Variants in CORO2A observed in about 807,000 individuals in gnomAD.
CORO2A encodes coronin 2A.
In CORO2A, 47 loss-of-function variants were observed where a neutral mutation model predicts 62.4. The ratio of observed to expected loss-of-function variants is 0.75; its 90% confidence interval spans 0.60 to 0.96. The LOEUF is 0.96. Among genes scored for constraint, CORO2A ranks in the 40% least tolerant of loss-of-function variants. The probability of loss-of-function intolerance (pLI) is 0.00; values close to 1 mark genes in which losing one functional copy is unlikely to be tolerated. For synonymous variants in CORO2A, 273 were observed against 268.9 expected (o/e 1.02, Z -0.15); for missense variants, 610 against 684.1 (o/e 0.89, Z 1.21).
intron 3 of CORO2A, among the ~76,000 whole-genome samples, chr9:98,136,811 C>A (rs1827491407): frequency 6.6e-6 from 1 of 152,184 alleles, no homozygotes; most frequent in African/African-American, 2.4e-5. Flanking sequence ...TAAATGGTGA[C>A]AATGACTTTT....
chr9:98,131,278 A>C (rs1587991969), intron 6 of CORO2A, among the ~76,000 whole-genome samples: 1 of 151,640 alleles, frequency 6.6e-6, no homozygotes, highest in East Asian at 1.9e-4. Context: ...TCTTAAAGGC[A>C]CTAAAATGCT....
At chr9:98,182,952 A>T (rs968218998) in intron 1 of CORO2A, among the ~76,000 whole-genome samples, 1 of 152,260 alleles carries the variant, frequency 6.6e-6, no homozygotes, top group African/African-American at 2.4e-5. Context: ...GAAATACCGC[A>T]GTAGCTTAGA....
At chr9:98,142,026 C>T (rs146301505) in intron 2 of CORO2A, among the ~76,000 whole-genome samples, 44 of 152,206 alleles carry the variant, frequency 2.9e-4, no homozygotes, top group African/African-American at 9.4e-4. Context: ...ATATCTTTGT[C>T]TTATTTTTAG....
intron 1 of CORO2A, among the ~76,000 whole-genome samples, chr9:98,177,491 C>T (rs1181249448): frequency 2.6e-5 from 3 of 116,916 alleles, no homozygotes; most frequent in Non-Finnish European, 4.8e-5. Flanking sequence ...GAGACAGAGT[C>T]TGGCTCTGCT....
At chr9:98,166,183 A>C (rs1827958798) in intron 1 of CORO2A, among the ~76,000 whole-genome samples, 2 of 152,242 alleles carry the variant, frequency 1.3e-5, no homozygotes, top group Admixed American at 6.5e-5. Context: ...GACATCCTAC[A>C]TGCTAAGTTT....
chr9:98,165,050 C>A (rs1827940662), intron 1 of CORO2A, among the ~76,000 whole-genome samples: 1 of 152,080 alleles, frequency 6.6e-6, no homozygotes, highest in Admixed American at 6.5e-5. Context: ...CTCTCTGCAG[C>A]CTCAACCTCC....
chr9:98,153,688 A>T lies in CORO2A; in HGVS notation c.201+3772T>A, dbSNP rs1419775292. ...CACACACACACACACACACACACAC[A>T]CACACTCACACACACACCCCGAGAG... On this transcript the variant is annotated intron_variant, in intron 2 of 11. Transcript: ENST00000375077. Among the ~76,000 whole-genome samples, 17 of 149,388 alleles carry T rather than the reference A, an allele frequency of 1.1e-4. 1 individual carries two copies. Among genetic ancestry groups the T allele is most frequent in the Admixed American group, 8.7e-4 (13 of 14,906 alleles).
At chr9:98,160,715 C>G (rs769579567) in intron 1 of CORO2A, among the ~76,000 whole-genome samples, 3 of 152,160 alleles carry the variant, frequency 2.0e-5, no homozygotes, top group African/African-American at 4.8e-5. Context: ...TGAGCAACTG[C>G]TGGGGGTGGC....
At chr9:98,126,458 T>C in intron 11 of CORO2A, 91 bp downstream of exon 11, 3 of 1,496,502 alleles carry the variant, frequency 2.0e-6, no homozygotes, top group Non-Finnish European at 2.7e-6. Flanking sequence ...ATTCTTCTCA[T>C]GCCTCATTTT....
intron 2 of CORO2A, among the ~76,000 whole-genome samples, chr9:98,148,476 A>C (rs1827676159): frequency 6.6e-6 from 1 of 151,924 alleles, no homozygotes; most frequent in South Asian, 2.1e-4. Flanking sequence ...GGCCAGGTGC[A>C]GTGGCTCATA....
chr9:98,148,384 G>C (rs1209948768), intron 2 of CORO2A, among the ~76,000 whole-genome samples: 1 of 116,422 alleles, frequency 8.6e-6, no homozygotes, highest in Non-Finnish European at 1.7e-5. Flanking sequence ...GACAGAGCGA[G>C]ACTCCATCTC....
At chr9:98,151,189 G>A in intron 2 of CORO2A, among the ~76,000 whole-genome samples, 1 of 152,154 alleles carries the variant, frequency 6.6e-6, no homozygotes, top group Admixed American at 6.5e-5. Flanking sequence ...ACATTAGGAG[G>A]TACTAGCAGA....
intron 11 of CORO2A, 61 bp from the exon 12 acceptor site, chr9:98,124,966 A>T: frequency 6.5e-7 from 1 of 1,540,110 alleles, no homozygotes; most frequent in Non-Finnish European, 8.8e-7. Context: ...CTGAAAGCTA[A>T]ACCACTATCC....
intron 1 of CORO2A, among the ~76,000 whole-genome samples, chr9:98,181,439 G>A (rs967226297): frequency 1.7e-4 from 25 of 148,982 alleles, no homozygotes; most frequent in African/African-American, 6.2e-4. Context: ...GTCTCCCAAA[G>A]TGCTAGGATT....
At chr9:98,173,379 G>C (rs1828065240) in intron 1 of CORO2A, among the ~76,000 whole-genome samples, 1 of 152,152 alleles carries the variant, frequency 6.6e-6, no homozygotes, top group Non-Finnish European at 1.5e-5. Flanking sequence ...TCTCCACTTC[G>C]TGAGTGTGGC....
chr9:98,168,206 T>A (rs117910805), intron 1 of CORO2A, among the ~76,000 whole-genome samples: 2,374 of 152,344 alleles, frequency 0.016, 23 homozygotes, highest in Non-Finnish European at 0.026. Context: ...TAATCACAGA[T>A]GAAACCATAC....
intron 2 of CORO2A, among the ~76,000 whole-genome samples, chr9:98,138,634 C>T (rs1827522775): frequency 6.6e-6 from 1 of 152,228 alleles, no homozygotes; most frequent in African/African-American, 2.4e-5. Flanking sequence ...AGGCCAGGCA[C>T]AAAAGGCCAC....
chr9:98,139,876 C>T (rs532113401), intron 2 of CORO2A, among the ~76,000 whole-genome samples: 14 of 152,336 alleles, frequency 9.2e-5, no homozygotes, highest in African/African-American at 3.4e-4. Context: ...CCCTCATTTT[C>T]CCCTTTCCTA....
chr9:98,169,459 C>A (rs571262069), intron 1 of CORO2A, among the ~76,000 whole-genome samples: 1 of 152,126 alleles, frequency 6.6e-6, no homozygotes, highest in East Asian at 1.9e-4. Context: ...TCTCCCAGGC[C>A]ATGCCAAGGC....
Sources: allele counts gnomAD v4.1 joint callset (sites outside exome capture counted in the v4.1 genomes callset), GRCh38; gene constraint gnomAD v4.1.1; transcripts MANE v1.5; gene names NCBI Gene and HGNC (gene_info 2026-07-23, HGNC 2026-07-21).